The following MSRA variants were observed in gnomAD, a reference collection of about 807,000 sequenced individuals.
MSRA encodes methionine sulfoxide reductase A.
MSRA carries 54 observed loss-of-function variants against 31.3 expected under a neutral mutation model. The observed-to-expected ratio is 1.73, with a 90% CI of 1.39 to 2.17. The LOEUF (loss-of-function observed/expected upper bound fraction) is 2.17. Ranked by LOEUF, MSRA falls within the 30% of genes most tolerant of loss-of-function variation. The pLI, the probability that MSRA is intolerant of heterozygous loss-of-function variation, is 0.00. For missense variants in MSRA, 507 were observed against 300.9 expected, an observed-to-expected ratio of 1.69 and a Z score of -5.07; for synonymous variants, 169 against 116.5, an observed-to-expected ratio of 1.45 and a Z score of -2.90.
intron 4 of MSRA, 21 bp from the exon 5 acceptor site, chr8:10,319,862 C>T (rs770832728): frequency 6.8e-7 from 1 of 1,464,206 alleles, no homozygotes; most frequent in Non-Finnish European, 9.2e-7. Flanking sequence ...GGGTAACCCT[C>T]CCTGTTTTCT....
At chr8:10,274,416 C>A (rs948428892) in intron 3 of MSRA, among the ~76,000 whole-genome samples, 9 of 152,156 alleles carry the variant, frequency 5.9e-5, no homozygotes, top group African/African-American at 2.2e-4. Flanking sequence ...GGATGCTTCA[C>A]TCCAAATGTC....
At chr8:10,105,001 C>T (rs1029066841) in intron 1 of MSRA, among the ~76,000 whole-genome samples, 2 of 152,168 alleles carry the variant, frequency 1.3e-5, no homozygotes, top group Non-Finnish European at 2.9e-5. Flanking sequence ...GAATATTTTG[C>T]TGTTACGTTT....
chr8:10,307,085 G>A (rs1006440114), intron 4 of MSRA, among the ~76,000 whole-genome samples: 18 of 151,944 alleles, frequency 1.2e-4, no homozygotes, highest in African/African-American at 4.4e-4. Flanking sequence ...ATGCAGCTCT[G>A]TCTAAAGCTC....
At chr8:10,307,338 T>C (rs1362855737) in intron 4 of MSRA, among the ~76,000 whole-genome samples, 1 of 152,046 alleles carries the variant, frequency 6.6e-6, no homozygotes, top group Non-Finnish European at 1.5e-5. Flanking sequence ...AACTTATTTT[T>C]TGTATTTTTG....
intron 1 of MSRA, among the ~76,000 whole-genome samples, chr8:10,085,871 C>T (rs1488411321): frequency 2.6e-5 from 4 of 152,198 alleles, no homozygotes; most frequent in Admixed American, 1.3e-4. Context: ...TGGGCTTTTC[C>T]ACCTAGCATA....
intron 1 of MSRA, among the ~76,000 whole-genome samples, chr8:10,107,434 T>G (rs1799963601): frequency 2.0e-5 from 3 of 152,124 alleles, no homozygotes; most frequent in African/African-American, 7.2e-5. Context: ...CAGCAGTCCT[T>G]GTGGTACTCG....
chr8:10,064,905 T>A (rs1427757652), intron 1 of MSRA, among the ~76,000 whole-genome samples: 1 of 152,176 alleles, frequency 6.6e-6, no homozygotes, highest in African/African-American at 2.4e-5. Context: ...TTCATAGCTT[T>A]CCACGTGGGG....
intron 1 of MSRA, among the ~76,000 whole-genome samples, chr8:10,173,126 T>C (rs1226147855): frequency 6.6e-6 from 1 of 152,276 alleles, no homozygotes; most frequent in South Asian, 2.1e-4. Context: ...GCCCTTTTTC[T>C]GTTCAAAGTC....
intron 5 of MSRA, among the ~76,000 whole-genome samples, chr8:10,406,366 C>G (rs138240395): frequency 3.7e-4 from 57 of 152,346 alleles, no homozygotes; most frequent in African/African-American, 1.3e-3. Context: ...TCAGCTACTT[C>G]TACAAGATGA....
chr8:10,379,937 G>C (rs531611155), intron 5 of MSRA, among the ~76,000 whole-genome samples: 2 of 152,342 alleles, frequency 1.3e-5, no homozygotes, highest in East Asian at 1.9e-4. Context: ...GGGCAGATTA[G>C]TGACATAAGT....
chr8:10,398,439 G>A (rs1342651794), intron 5 of MSRA, among the ~76,000 whole-genome samples: 1 of 152,232 alleles, frequency 6.6e-6, no homozygotes, highest in Non-Finnish European at 1.5e-5. Flanking sequence ...TGCAGCCTTC[G>A]TTGTGGAAGT....
rs553840241 is a variant in MSRA at position 10,365,683 on chromosome 8, G to T, written c.543+45694G>T. ...TTGCCTGACTCTAGATGGAAGAGCAGTTGTCCCGGTTTCAGGGAGAAGGGA... is the reference window on the plus strand; with the variant it reads ...TTGCCTGACTCTAGATGGAAGAGCATTTGTCCCGGTTTCAGGGAGAAGGGA... On this transcript the variant is annotated intron_variant, in intron 5 of 5. Transcript: ENST00000317173. 2.0e-4 allele frequency among the ~76,000 whole-genome samples: 30 copies of T among 152,316 alleles called. 1 individual carries two copies. The South Asian group carries it at 6.2e-3, about 32-fold the overall frequency.
At chr8:10,185,923 A>C (rs1163497921) in intron 1 of MSRA, among the ~76,000 whole-genome samples, 1 of 152,056 alleles carries the variant, frequency 6.6e-6, no homozygotes, top group East Asian at 1.9e-4. Context: ...GGAAAGCACA[A>C]CTCAGAGGGG....
intron 5 of MSRA, among the ~76,000 whole-genome samples, chr8:10,404,288 C>T (rs78153579): frequency 0.012 from 1,891 of 152,214 alleles, 21 homozygotes; most frequent in South Asian, 0.041. Flanking sequence ...TCCAGAGAAG[C>T]GTCCCCCTGG....
intron 3 of MSRA, among the ~76,000 whole-genome samples, chr8:10,274,576 G>C (rs374473703): frequency 2.6e-5 from 4 of 152,166 alleles, no homozygotes; most frequent in Non-Finnish European, 4.4e-5. Context: ...AGACATACCT[G>C]TGTTACCTAA....
intron 3 of MSRA, among the ~76,000 whole-genome samples, chr8:10,286,839 G>C (rs1799963666): frequency 6.6e-6 from 1 of 152,240 alleles, no homozygotes; most frequent in Admixed American, 6.5e-5. Flanking sequence ...CTAAGTATCA[G>C]CACACTTTAT....
At chr8:10,320,028 C>A in intron 5 of MSRA, 39 bp downstream of exon 5, 1 of 1,381,860 alleles carries the variant, frequency 7.2e-7, no homozygotes, top group Non-Finnish European at 1.0e-6. Flanking sequence ...GCTTAGGCCA[C>A]CATGACTAGG....
chr8:10,414,221 T>C (rs1235801893), intron 5 of MSRA, among the ~76,000 whole-genome samples: 1 of 151,994 alleles, frequency 6.6e-6, no homozygotes, highest in Non-Finnish European at 1.5e-5. Context: ...AAAATGATTA[T>C]CTGGGGGGAT....
intron 1 of MSRA, among the ~76,000 whole-genome samples, chr8:10,113,763 A>G: frequency 6.8e-6 from 1 of 147,792 alleles, no homozygotes. Context: ...AGGTATTTGC[A>G]TTTTTTTTTT....
Sources: allele counts gnomAD v4.1 joint callset (sites outside exome capture counted in the v4.1 genomes callset), GRCh38; gene constraint gnomAD v4.1.1; transcripts MANE v1.5; gene names NCBI Gene and HGNC (gene_info 2026-07-23, HGNC 2026-07-21).